The following KCNG3 variants were observed in gnomAD, a reference collection of about 807,000 sequenced individuals.
The protein encoded by KCNG3 is voltage-gated potassium channel regulatory subunit KCNG3.
Under a neutral mutation model 29.0 loss-of-function variants are expected in KCNG3, and 15 were observed. That is an observed-to-expected ratio of 0.52 (90% CI 0.35 to 0.80). The LOEUF is 0.80. KCNG3 is among the 30% of genes least tolerant of loss of function. The probability of loss-of-function intolerance (pLI) is 0.01; values close to 1 mark genes in which losing one functional copy is unlikely to be tolerated. For missense variants in KCNG3, 512 were observed against 605.7 expected (o/e 0.85, Z 1.62); for synonymous variants, 322 against 248.9 (o/e 1.29, Z -2.76).
the KCNG3 span, among the ~76,000 whole-genome samples, chr2:42,416,265 T>C: frequency 6.6e-6 from 1 of 152,154 alleles, no homozygotes; most frequent in African/African-American, 2.4e-5. Context: ...TATGTTCTGG[T>C]GTTCTACTGC....
the KCNG3 span, among the ~76,000 whole-genome samples, chr2:42,398,593 G>T: frequency 6.6e-6 from 1 of 152,158 alleles, no homozygotes; most frequent in Non-Finnish European, 1.5e-5. Context: ...AACGGCCCAG[G>T]AGCAAATACA....
chr2:42,480,348 G>C lies in KCNG3; in HGVS notation c.665+12489C>G, dbSNP rs75874139. ...TCAGCCTTAGGGAAAGAACGTGCCT[G>C]AGGTCCTGTAGCTAGACACTGGTAA... On this transcript the variant is annotated intron_variant, in intron 1 of 1. Coordinates refer to ENST00000306078, the MANE Select transcript of KCNG3 (RefSeq NM_133329.6). 9.9e-3 allele frequency among the ~76,000 whole-genome samples: 1,507 copies of C among 152,270 alleles called. 13 individuals are homozygous for C. The highest frequency in any genetic ancestry group is 0.027 in the East Asian group (138 of 5,186).
chr2:42,431,127 T>G, the KCNG3 span, among the ~76,000 whole-genome samples: 6 of 151,308 alleles, frequency 4.0e-5, no homozygotes, highest in South Asian at 1.0e-3. Context: ...AAAAAAATTA[T>G]AAAACATTTA....
At chr2:42,395,472 G>A in the KCNG3 span, among the ~76,000 whole-genome samples, 1 of 152,144 alleles carries the variant, frequency 6.6e-6, no homozygotes, top group Non-Finnish European at 1.5e-5. Context: ...GACTACAGGT[G>A]CGCAGGAGGA....
At chr2:42,421,801 A>C in the KCNG3 span, among the ~76,000 whole-genome samples, 1 of 152,248 alleles carries the variant, frequency 6.6e-6, no homozygotes, top group Non-Finnish European at 1.5e-5. Flanking sequence ...CATTTTATCC[A>C]GGACCACAGC....
At chr2:42,464,075 C>A (rs1673084800) in intron 1 of KCNG3, 2 of 211,310 alleles carry the variant, frequency 9.5e-6, no homozygotes, top group South Asian at 6.4e-5. Flanking sequence ...GCTGCCTCAA[C>A]AAATGACATT....
At chr2:42,411,264 T>C in the KCNG3 span, among the ~76,000 whole-genome samples, 113 of 152,324 alleles carry the variant, frequency 7.4e-4, no homozygotes, top group Non-Finnish European at 1.5e-4. Flanking sequence ...GCCATTCTTG[T>C]TTATTTTTCC....
the KCNG3 span, among the ~76,000 whole-genome samples, chr2:42,391,456 G>C: frequency 6.6e-6 from 1 of 152,138 alleles, no homozygotes; most frequent in Non-Finnish European, 1.5e-5. Flanking sequence ...TGGGGACCAA[G>C]GATTGAAACA....
At chr2:42,394,547 A>C in the KCNG3 span, among the ~76,000 whole-genome samples, 1 of 152,152 alleles carries the variant, frequency 6.6e-6, no homozygotes, top group African/African-American at 2.4e-5. Context: ...CCAAATCACT[A>C]AGCTAAAGGG....
At chr2:42,433,287 T>G in the KCNG3 span, among the ~76,000 whole-genome samples, 3 of 152,172 alleles carry the variant, frequency 2.0e-5, no homozygotes, top group Non-Finnish European at 4.4e-5. Flanking sequence ...AGTATGATGG[T>G]TAATTTTAGG....
At chr2:42,478,803 T>C (rs1267317962) in intron 1 of KCNG3, among the ~76,000 whole-genome samples, 1 of 152,184 alleles carries the variant, frequency 6.6e-6, no homozygotes, top group African/African-American at 2.4e-5. Flanking sequence ...TATTAACACA[T>C]ATAACTCACT....
At chr2:42,416,287 A>C in the KCNG3 span, among the ~76,000 whole-genome samples, 1 of 152,170 alleles carries the variant, frequency 6.6e-6, no homozygotes, top group Non-Finnish European at 1.5e-5. Context: ...TAGCAAGATG[A>C]CTAGAGTTAA....
intron 1 of KCNG3, among the ~76,000 whole-genome samples, chr2:42,472,870 T>C (rs1471464064): frequency 6.8e-6 from 1 of 146,828 alleles, no homozygotes; most frequent in Admixed American, 6.9e-5. Flanking sequence ...TATAAATATA[T>C]ATATATAGAT....
At chr2:42,446,407 G>C (rs1217469779) in intron 1 of KCNG3, among the ~76,000 whole-genome samples, 3 of 151,810 alleles carry the variant, frequency 2.0e-5, no homozygotes, top group Non-Finnish European at 4.4e-5. Flanking sequence ...TCAGACTTCT[G>C]ACCTCAAGTG....
chr2:42,493,417 C>G lies in KCNG3; in HGVS notation c.85G>C (p.Asp29His). 6.6e-7 allele frequency: 1 copy of G among 1,506,312 alleles called. No homozygotes were observed. The highest frequency in any genetic ancestry group is 8.8e-7 in the Non-Finnish European group (1 of 1,130,892). 93.3% of individuals were successfully genotyped at this position (1,506,312 alleles called of 1,614,324 possible). A position where few individuals can be genotyped will look rare whatever the true frequency, so the allele number is the denominator to read the frequency against. ...CGGCTCACGCGGCGCAGCGGGAAGT[C>G]CTTCAGCAGCTCCCGGGACAGCGAA... ...RYSLSRELLK[D>H]FPLRRVSRLH... Residue 29 changes from aspartate to histidine, a missense_variant, in exon 1 of 2, where the codon GAC becomes CAC. Physicochemically the swap from Asp to His is moderately conservative, Grantham distance 81 (BLOSUM62 -1). This residue lies in a region of KCNG3 where 91 missense variants were observed against 91.1 expected (regional missense o/e 1.00). Transcript: ENST00000306078.
At chr2:42,436,364 C>A in the KCNG3 span, among the ~76,000 whole-genome samples, 12 of 152,266 alleles carry the variant, frequency 7.9e-5, no homozygotes, top group African/African-American at 2.6e-4. Flanking sequence ...TTTAAGATAA[C>A]AAATTGTATG....
intron 1 of KCNG3, among the ~76,000 whole-genome samples, chr2:42,490,826 A>G (rs1358184975): frequency 2.6e-5 from 4 of 152,236 alleles, no homozygotes; most frequent in Admixed American, 6.5e-5. Context: ...GACTAATTTC[A>G]GCAACCACAA....
At chr2:42,479,949 T>TTGCAGTG (rs1558387747) in intron 1 of KCNG3, among the ~76,000 whole-genome samples, 1 of 151,980 alleles carries the variant, frequency 6.6e-6, no homozygotes, top group African/African-American at 2.4e-5. Flanking sequence ...GAGGTGGAGG[T>TTGCAGTG]TGCAGTGAGC....
intron 1 of KCNG3, among the ~76,000 whole-genome samples, chr2:42,456,828 T>C (rs939044946): frequency 9.9e-5 from 15 of 152,084 alleles, no homozygotes; most frequent in Non-Finnish European, 1.9e-4. Context: ...CAAGGCACAA[T>C]AAAAATTTCC....
Sources: gnomAD v4.1 joint callset for allele counts (sites outside exome capture counted in the v4.1 genomes callset) on GRCh38, gnomAD v4.1.1 for gene constraint, gnomAD v4.1.1 regional missense constraint, MANE v1.5 for transcripts, NCBI Gene and HGNC (gene_info 2026-07-23, HGNC 2026-07-21) for gene names.